The following TOP1 variants were observed in gnomAD, a reference collection of about 807,000 sequenced individuals.
The protein encoded by TOP1 is DNA topoisomerase 1.
A neutral mutation model predicts 111.1 loss-of-function variants in TOP1; 10 were observed. The observed-to-expected ratio is 0.09, with a 90% CI of 0.06 to 0.15. The LOEUF is 0.15. Ranked by LOEUF, TOP1 falls within the 10% of genes least tolerant of loss-of-function variation. The pLI is 1.00. For missense variants in TOP1, 474 were observed against 926.7 expected (o/e 0.51, Z 6.34); for synonymous variants, 271 against 302.9 (o/e 0.89, Z 1.10).
rs2033952624 is a variant in TOP1, at chr20:41,094,056, A to G, written c.730+1469A>G. Among the ~76,000 whole-genome samples, 1 of 152,104 alleles carries G rather than the reference A, an allele frequency of 6.6e-6. No individual in the cohort carries two copies. Among genetic ancestry groups the G allele is most frequent in the African/African-American group, 2.4e-5 (1 of 41,410 alleles). On this transcript the variant is annotated intron_variant, in intron 9 of 20. Transcript: ENST00000361337. This position sits in a 1 kb window ranked among gnomAD's most constrained non-coding sequence, Gnocchi z 4.4. ...TGACAGAGTGAGACCCTGTCTCAAA[A>G]AATAAAATAATAAATAAATAAATAA...
In TOP1 at chr20:41,046,888, C is replaced by G. The variant is rs1202211459; in HGVS notation, c.59-14506C>G. On this transcript the variant is annotated intron_variant, in intron 2 of 20. Coordinates refer to ENST00000361337, the MANE Select transcript of TOP1 (RefSeq NM_003286.4). The surrounding 1 kb of genome is among the most constrained non-coding windows in gnomAD (Gnocchi z 4.3). ...AATTAGCAGTGGGCCAGTCATTGGC[C>G]TCTCTTCAGAGTTCTCATGTGACTC... Among the ~76,000 whole-genome samples, 1 of 152,192 alleles carries G rather than the reference C, an allele frequency of 6.6e-6. No individual in the cohort carries two copies. The highest frequency in any genetic ancestry group is 1.5e-5 in the Non-Finnish European group (1 of 68,042).
intron 2 of TOP1, among the ~76,000 whole-genome samples, chr20:41,057,768 A>T (rs1301685864): frequency 6.6e-6 from 1 of 152,144 alleles, no homozygotes; most frequent in Non-Finnish European, 1.5e-5. Flanking sequence ...TCCATACTCT[A>T]GGGCTGTATT....
At position 41,092,381 on chromosome 20, in the gene TOP1, T is replaced by C. The variant is rs2033930662; in HGVS notation, c.615-91T>C. 1.7e-6 allele frequency: 1 copy of C among 598,266 alleles called. No homozygotes were observed. The highest frequency in any genetic ancestry group is 3.0e-5 in the East Asian group (1 of 33,614). The allele number at this position is 598,266 out of a possible 1,614,324, so 37.1% of individuals were successfully genotyped here. On this transcript the variant is annotated intron_variant, in intron 8 of 20. Transcript: ENST00000361337. The surrounding 1 kb of genome is among the most constrained non-coding windows in gnomAD (Gnocchi z 4.3). ...GAAGTCATTCCAGAGCACTAATCAG[T>C]TGAGCGGATAATTATTTGGCATTTA...
chr20:41,091,551 C>CTTTT (rs1568693637), intron 8 of TOP1, among the ~76,000 whole-genome samples: 1 of 118,572 alleles, frequency 8.4e-6, no homozygotes, highest in African/African-American at 3.4e-5. Flanking sequence ...AAATTATTAA[C>CTTTT]CTTTTTTTTT....
In TOP1 at chr20:41,104,341, A is replaced by G. The variant is rs767526867; in HGVS notation, c.1308+2988A>G. 5.9e-5 allele frequency among the ~76,000 whole-genome samples: 9 copies of G among 152,230 alleles called. No homozygotes were observed. The East Asian group carries it at 1.3e-3, about 23-fold the overall frequency. On this transcript the variant is annotated intron_variant, in intron 13 of 20. Transcript: ENST00000361337. ...ACACAAACAAGAAGTAGAGAGATCAATGGGAAGCTGTTGCATACTCCAGGC... is the reference window on the plus strand; with the variant it reads ...ACACAAACAAGAAGTAGAGAGATCAGTGGGAAGCTGTTGCATACTCCAGGC...
intron 3 of TOP1, among the ~76,000 whole-genome samples, chr20:41,062,950 T>C (rs1335048067): frequency 6.6e-6 from 1 of 152,194 alleles, no homozygotes; most frequent in African/African-American, 2.4e-5. Context: ...TTTTTTCAGG[T>C]TTTATTTTAG....
Position 41,092,461 on chromosome 20 carries a change from G to A in TOP1, c.615-11G>A. Reference sequence around the variant, plus strand: ...CGATCACTAAATGAGGCTGTGCTTTGTCTTTTAAAGGTGGGAAGAAGAGCG... The same window carrying A: ...CGATCACTAAATGAGGCTGTGCTTTATCTTTTAAAGGTGGGAAGAAGAGCG... On this transcript the variant is annotated splice_polypyrimidine_tract_variant and intron_variant, in intron 8 of 20. Transcript: ENST00000361337. The surrounding 1 kb of genome is among the most constrained non-coding windows in gnomAD (Gnocchi z 4.3). 7.0e-7 allele frequency: 1 copy of A among 1,431,568 alleles called. No homozygotes were observed. Among genetic ancestry groups the A allele is most frequent in the Non-Finnish European group, 9.6e-7 (1 of 1,042,410 alleles). 88.7% of individuals were successfully genotyped at this position (1,431,568 alleles called of 1,614,324 possible).
At position 41,058,295 on chromosome 20, in the gene TOP1, A is replaced by G. The variant is rs1419912529; in HGVS notation, c.59-3099A>G. On this transcript the variant is annotated intron_variant, in intron 2 of 20. Transcript: ENST00000361337. The surrounding 1 kb of genome is among the most constrained non-coding windows in gnomAD (Gnocchi z 4.2). ...TATAAAACATGTTGCCTCAAAATAT[A>G]ATAGCTTAAAACAACAGACACTTAT... 6.6e-6 allele frequency among the ~76,000 whole-genome samples: 1 copy of G among 152,260 alleles called. No individual in the cohort carries two copies. The highest frequency in any genetic ancestry group is 1.5e-5 in the Non-Finnish European group (1 of 68,048).
At chr20:41,111,288 C>G (rs2145962399) in intron 13 of TOP1, among the ~76,000 whole-genome samples, 1 of 152,246 alleles carries the variant, frequency 6.6e-6, no homozygotes, top group Admixed American at 6.5e-5. Flanking sequence ...ATGAGGACAG[C>G]TTATATCTCA....
rs1232550520 is a variant in TOP1 at position 41,121,207 on chromosome 20, G to C, written c.1951-489G>C. Among the ~76,000 whole-genome samples, 1 of 152,240 alleles carries C rather than the reference G, an allele frequency of 6.6e-6. No individual in the cohort carries two copies. The highest frequency in any genetic ancestry group is 1.5e-5 in the Non-Finnish European group (1 of 68,014). On this transcript the variant is annotated intron_variant, in intron 18 of 20. Transcript: ENST00000361337. The surrounding 1 kb of genome is among the most constrained non-coding windows in gnomAD (Gnocchi z 4.2). ...CCATTTTCCTTGAGAAGCTGGCACC[G>C]CCTTCCCAGAGTACTGGTGGGATCT...
rs1375758477 is a variant in TOP1 at position 41,101,047 on chromosome 20, G to T, written c.1164-162G>T. On this transcript the variant is annotated intron_variant, in intron 12 of 20. Coordinates refer to ENST00000361337, the MANE Select transcript of TOP1 (RefSeq NM_003286.4). This position sits in a 1 kb window ranked among gnomAD's most constrained non-coding sequence, Gnocchi z 4.1. ...ATTGAATATTTTCGGATGACAGTTGGCTGAGGGTAAGTAAAACCATGCATA... is the reference window on the plus strand; with the variant it reads ...ATTGAATATTTTCGGATGACAGTTGTCTGAGGGTAAGTAAAACCATGCATA... The T allele has an allele frequency of 1.6e-6, 1 of 639,916 alleles. No individual in the cohort carries two copies. The highest frequency in any genetic ancestry group is 2.7e-5 in the East Asian group (1 of 37,330). The allele number at this position is 639,916 out of a possible 1,614,324, so 39.6% of individuals were successfully genotyped here. A position where few individuals can be genotyped will look rare whatever the true frequency, so the allele number is the denominator to read the frequency against.
chr20:41,064,946 C>A lies in TOP1; in HGVS notation c.155+3456C>A, dbSNP rs538111658. 2.0e-5 allele frequency among the ~76,000 whole-genome samples: 3 copies of A among 152,084 alleles called. No individual in the cohort carries two copies. In the South Asian group the frequency reaches 6.2e-4, roughly 32 times the overall value. ...TTGAGACGGAGTCTTACTCTGTTGC[C>A]CAGGCTGGAGTGCAGTGGTGCCATC... On this transcript the variant is annotated intron_variant, in intron 3 of 20. Transcript: ENST00000361337.
In TOP1 at chr20:41,079,541, C is replaced by T. The variant is rs934591959; in HGVS notation, c.336-544C>T. ...ACCTTCTGTTTATTCTGGTTTAACA[C>T]GTGCCCTACTTTTGTTGTAATGTTG... On this transcript the variant is annotated intron_variant, in intron 5 of 20. Coordinates refer to ENST00000361337, the MANE Select transcript of TOP1 (RefSeq NM_003286.4). This position sits in a 1 kb window ranked among gnomAD's most constrained non-coding sequence, Gnocchi z 4.0. Among the ~76,000 whole-genome samples the T allele has an allele frequency of 1.3e-5, 2 of 152,174 alleles. No individual in the cohort carries two copies. The highest frequency in any genetic ancestry group is 1.9e-4 in the East Asian group (1 of 5,206).
rs1235259023 is a variant in TOP1, at chr20:41,114,210, G to C, written c.1638+55G>C. 2 of 1,482,164 alleles carry C rather than the reference G, an allele frequency of 1.3e-6. No homozygotes were observed. The highest frequency in any genetic ancestry group is 1.9e-6 in the Non-Finnish European group (2 of 1,080,986). The allele number at this position is 1,482,164 out of a possible 1,614,324, so 91.8% of individuals were successfully genotyped here. A position where few individuals can be genotyped will look rare whatever the true frequency, so the allele number is the denominator to read the frequency against. On this transcript the variant is annotated intron_variant, in intron 15 of 20. Coordinates refer to ENST00000361337, the MANE Select transcript of TOP1 (RefSeq NM_003286.4). This position sits in a 1 kb window ranked among gnomAD's most constrained non-coding sequence, Gnocchi z 4.5. ...TGTTTTCCATTATTCAACAAGCATGGGTTGACTGCTTTTTTGTGTGCTTTG... is the reference window on the plus strand; with the variant it reads ...TGTTTTCCATTATTCAACAAGCATGCGTTGACTGCTTTTTTGTGTGCTTTG...
rs1215898833 is a variant in TOP1 at position 41,082,127 on chromosome 20, T to C, written c.507+887T>C. Among the ~76,000 whole-genome samples, 3 of 152,200 alleles carry C rather than the reference T, an allele frequency of 2.0e-5. No homozygotes were observed. Among genetic ancestry groups the C allele is most frequent in the Non-Finnish European group, 2.9e-5 (2 of 68,028 alleles). On this transcript the variant is annotated intron_variant, in intron 7 of 20. Coordinates refer to ENST00000361337, the MANE Select transcript of TOP1 (RefSeq NM_003286.4). The surrounding 1 kb of genome is among the most constrained non-coding windows in gnomAD (Gnocchi z 4.1). ...GGGTTGGGTGAGTTCTTAGCTCTTA[T>C]GCTACATTTGAGGTTAGCCACTGTC...
In TOP1 at chr20:41,112,204, C is replaced by T. The variant is rs561719624; in HGVS notation, c.1309-578C>T. 6.6e-6 allele frequency among the ~76,000 whole-genome samples: 1 copy of T among 152,270 alleles called. No homozygotes were observed. Among genetic ancestry groups the T allele is most frequent in the East Asian group, 1.9e-4 (1 of 5,178 alleles). On this transcript the variant is annotated intron_variant, in intron 13 of 20. Coordinates refer to ENST00000361337, the MANE Select transcript of TOP1 (RefSeq NM_003286.4). The surrounding 1 kb of genome is among the most constrained non-coding windows in gnomAD (Gnocchi z 5.8). Reference sequence around the variant, plus strand: ...GTCTTTGGTTCTGCTTCTTTGACAGCTCCACCACACTGTAATTTAATGGAA... The same window carrying T: ...GTCTTTGGTTCTGCTTCTTTGACAGTTCCACCACACTGTAATTTAATGGAA...
Position 41,071,154 on chromosome 20 carries a change from C to T in TOP1, c.156-5017C>T, listed in dbSNP as rs568033150. The stretch of plus-strand genomic sequence containing the variant: ...CTTTTTTCCTAAAGAAACAGTGCTT[C>T]GCCAGAAGGGAGACATTGTTCCCTA... On this transcript the variant is annotated intron_variant, in intron 3 of 20. Coordinates refer to ENST00000361337, the MANE Select transcript of TOP1 (RefSeq NM_003286.4). This position sits in a 1 kb window ranked among gnomAD's most constrained non-coding sequence, Gnocchi z 4.3. 9.9e-5 allele frequency among the ~76,000 whole-genome samples: 15 copies of T among 152,156 alleles called. No individual in the cohort carries two copies. The South Asian group carries it at 2.9e-3, about 29-fold the overall frequency.
chr20:41,096,385 C>G (rs2033982844), intron 9 of TOP1, among the ~76,000 whole-genome samples: 1 of 152,194 alleles, frequency 6.6e-6, no homozygotes, highest in African/African-American at 2.4e-5. Flanking sequence ...ACAGCTTTTA[C>G]ATAAACAATT....
At position 41,080,198 on chromosome 20, in the gene TOP1, A is replaced by G; in HGVS notation, c.431+18A>G. 6.7e-7 allele frequency: 1 copy of G among 1,496,826 alleles called. No individual in the cohort carries two copies. The highest frequency in any genetic ancestry group is 9.2e-7 in the Non-Finnish European group (1 of 1,091,756). 92.7% of individuals were successfully genotyped at this position (1,496,826 alleles called of 1,614,324 possible). On this transcript the variant is annotated intron_variant, in intron 6 of 20. Coordinates refer to ENST00000361337, the MANE Select transcript of TOP1 (RefSeq NM_003286.4). The surrounding 1 kb of genome is among the most constrained non-coding windows in gnomAD (Gnocchi z 5.0). ...GAGGATGAGTGAGTATTTTCTTAAAACTTTGACTTTTGAAAACAAAAAGGA... is the reference window on the plus strand; with the variant it reads ...GAGGATGAGTGAGTATTTTCTTAAAGCTTTGACTTTTGAAAACAAAAAGGA...
Sources: gnomAD v4.1 joint callset for allele counts (sites outside exome capture counted in the v4.1 genomes callset) on GRCh38, gnomAD v4.1.1 for gene constraint, Gnocchi (gnomAD v3.1) non-coding constraint, MANE v1.5 for transcripts, NCBI Gene and HGNC (gene_info 2026-07-23, HGNC 2026-07-21) for gene names.